TSNARE1: variants seen among roughly 807,000 people sequenced by gnomAD.
The protein encoded by TSNARE1 is t-SNARE domain-containing protein 1.
Under a neutral mutation model 62.0 loss-of-function variants are expected in TSNARE1, and 49 were observed. The ratio of observed to expected loss-of-function variants is 0.79; its 90% CI spans 0.63 to 1.00. TSNARE1 has a LOEUF of 1.00. TSNARE1 is among the 50% of genes least tolerant of loss of function. The pLI is 0.00. For synonymous variants in TSNARE1, 328 were observed against 294.4 expected (o/e 1.11, Z -1.17); for missense variants, 755 against 700.1 (o/e 1.08, Z -0.88).
At chr8:142,348,280 T>C (rs572825882) in intron 2 of TSNARE1, among the ~76,000 whole-genome samples, 3 of 152,284 alleles carry the variant, frequency 2.0e-5, no homozygotes, top group Admixed American at 6.5e-5. Context: ...TTCGACGATG[T>C]GATTTTAATG....
intron 6 of TSNARE1, among the ~76,000 whole-genome samples, chr8:142,323,426 G>A (rs1186113507): frequency 2.6e-5 from 4 of 152,186 alleles, no homozygotes; most frequent in East Asian, 3.9e-4. Context: ...GTGAGCCATC[G>A]GGGACTCTCT....
At chr8:142,331,096 G>T in intron 5 of TSNARE1, 126 bp from the exon 6 acceptor site, 1 of 790,392 alleles carries the variant, frequency 1.3e-6, no homozygotes. Context: ...GCTTGAGCCA[G>T]GGCAGACCAC....
intron 1 of TSNARE1, among the ~76,000 whole-genome samples, chr8:142,393,368 CG>C (rs1564016964): frequency 1.3e-5 from 2 of 152,184 alleles, no homozygotes; most frequent in African/African-American, 2.4e-5. Context: ...TTCGCTGAAA[CG>C]GGCACCGACA....
intron 12 of TSNARE1, among the ~76,000 whole-genome samples, chr8:142,243,072 T>G (rs1419864262): frequency 6.6e-6 from 1 of 152,150 alleles, no homozygotes; most frequent in Non-Finnish European, 1.5e-5. Context: ...GAATGGCTTT[T>G]CTGTACACAT....
intron 2 of TSNARE1, among the ~76,000 whole-genome samples, chr8:142,346,776 C>A (rs925675602): frequency 6.6e-6 from 1 of 152,242 alleles, no homozygotes; most frequent in African/African-American, 2.4e-5. Context: ...TTGAGCCAAG[C>A]GCCTGAAGCA....
intron 11 of TSNARE1, chr8:142,275,494 C>G (rs1328306269): frequency 1.0e-6 from 1 of 985,318 alleles, no homozygotes; most frequent in Non-Finnish European, 1.2e-6. Flanking sequence ...CAGACCAGGG[C>G]CGGGGCAGCC....
At chr8:142,348,209 G>A (rs527574491) in intron 2 of TSNARE1, among the ~76,000 whole-genome samples, 1 of 152,318 alleles carries the variant, frequency 6.6e-6, no homozygotes, top group South Asian at 2.1e-4. Context: ...GTATGGCTTT[G>A]CTTCTTCCAC....
chr8:142,307,993 A>G (rs1267249337), intron 9 of TSNARE1, among the ~76,000 whole-genome samples: 2 of 152,232 alleles, frequency 1.3e-5, no homozygotes, highest in African/African-American at 2.4e-5. Context: ...CGTGTTGCCA[A>G]GTACACAATC....
At chr8:142,294,437 T>C (rs985710158) in intron 10 of TSNARE1, among the ~76,000 whole-genome samples, 4 of 152,156 alleles carry the variant, frequency 2.6e-5, no homozygotes, top group Admixed American at 6.5e-5. Flanking sequence ...TTCCCAACCA[T>C]CTGGCAGGAG....
At chr8:142,228,760 T>G (rs546462599) in intron 13 of TSNARE1, among the ~76,000 whole-genome samples, 1 of 151,872 alleles carries the variant, frequency 6.6e-6, no homozygotes, top group East Asian at 1.9e-4. Flanking sequence ...ACATAGAGGA[T>G]GATGAAGGAA....
chr8:142,306,575 C>A (rs1826709711), intron 9 of TSNARE1, among the ~76,000 whole-genome samples: 1 of 152,208 alleles, frequency 6.6e-6, no homozygotes, highest in Non-Finnish European at 1.5e-5. Flanking sequence ...ACCCCACACC[C>A]AGGGGAGACA....
At chr8:142,384,776 G>C (rs1837000058) in intron 1 of TSNARE1, among the ~76,000 whole-genome samples, 1 of 152,176 alleles carries the variant, frequency 6.6e-6, no homozygotes, top group Non-Finnish European at 1.5e-5. Flanking sequence ...ATTTGGCAAT[G>C]ATTTCTTAGC....
At chr8:142,279,954 G>A (rs117297465) in intron 11 of TSNARE1, 24,608 of 1,107,426 alleles carry the variant, frequency 0.022, 339 homozygotes, top group East Asian at 0.043. Flanking sequence ...GGAGGAGGCC[G>A]GGGGCGGGGC....
At chr8:142,230,420 A>G (rs72687322) in intron 12 of TSNARE1, among the ~76,000 whole-genome samples, 5,781 of 152,316 alleles carry the variant, frequency 0.038, 177 homozygotes, top group South Asian at 0.07. Flanking sequence ...CCTAGACAGC[A>G]GGGAAGACAG....
chr8:142,249,930 C>G (rs1818077462), intron 12 of TSNARE1, among the ~76,000 whole-genome samples: 1 of 152,230 alleles, frequency 6.6e-6, no homozygotes, highest in Non-Finnish European at 1.5e-5. Context: ...GCAATTGTGA[C>G]TGCAGCTTAA....
At chr8:142,274,543 T>C (rs2130596425) in intron 12 of TSNARE1, 6 of 985,272 alleles carry the variant, frequency 6.1e-6, no homozygotes, top group Non-Finnish European at 7.2e-6. Context: ...GCGTGGTGCA[T>C]ACAAGAGAGG....
At chr8:142,233,961 C>T (rs1452184021) in intron 12 of TSNARE1, among the ~76,000 whole-genome samples, 1 of 152,232 alleles carries the variant, frequency 6.6e-6, no homozygotes, top group Non-Finnish European at 1.5e-5. Flanking sequence ...TCACCTCCTT[C>T]CCCAGTGGAG....
chr8:142,270,289 C>A, intron 12 of TSNARE1: 1 of 985,418 alleles, frequency 1.0e-6, no homozygotes, highest in South Asian at 4.7e-5. Context: ...AGTGCCCAGG[C>A]CCCCGCAGGG....
chr8:142,329,402 G>C (rs781189927), intron 6 of TSNARE1, among the ~76,000 whole-genome samples: 1 of 152,228 alleles, frequency 6.6e-6, no homozygotes, highest in Non-Finnish European at 1.5e-5. Context: ...AACCAGGCCG[G>C]GCGGCCCAGG....
Sources: allele counts gnomAD v4.1 joint callset (sites outside exome capture counted in the v4.1 genomes callset), GRCh38; gene constraint gnomAD v4.1.1; transcripts MANE v1.5; gene names NCBI Gene and HGNC (gene_info 2026-07-23, HGNC 2026-07-21).